The following PPP1R12B variants were observed in gnomAD, a reference collection of about 807,000 sequenced individuals.
The protein encoded by PPP1R12B is protein phosphatase 1 regulatory subunit 12B.
PPP1R12B carries 76 observed loss-of-function variants against 126.1 expected under a neutral mutation model. The observed-to-expected ratio is 0.60, with a 90% confidence interval of 0.50 to 0.73. PPP1R12B has a LOEUF of 0.73. Among genes scored for constraint, PPP1R12B ranks in the 30% least tolerant of loss-of-function variants. The pLI is 0.00. For synonymous variants in PPP1R12B, 356 were observed against 434.7 expected (o/e 0.82, Z 2.25); for missense variants, 1,052 against 1,205.1 (o/e 0.87, Z 1.88).
intron 12 of PPP1R12B, 47 bp from the exon 13 acceptor site, chr1:202,448,942 A>G: frequency 1.9e-6 from 3 of 1,571,536 alleles, no homozygotes; most frequent in Non-Finnish European, 2.6e-6. Flanking sequence ...TTTGTTGTAT[A>G]GCATGCCTAA....
chr1:202,574,394 C>T (rs568064417), intron 23 of PPP1R12B, among the ~76,000 whole-genome samples: 1 of 152,218 alleles, frequency 6.6e-6, no homozygotes, highest in East Asian at 1.9e-4. Context: ...CCTGTAGTCC[C>T]AGCTACTTTA....
At chr1:202,575,086 G>T (rs1216551972) in intron 23 of PPP1R12B, 1 of 1,613,584 alleles carries the variant, frequency 6.2e-7, no homozygotes, top group Admixed American at 1.7e-5. Flanking sequence ...GACCCGAGTG[G>T]TGGCCAGACT....
intron 1 of PPP1R12B, among the ~76,000 whole-genome samples, chr1:202,356,478 C>T (rs1036668354): frequency 6.6e-6 from 1 of 152,018 alleles, no homozygotes; most frequent in Non-Finnish European, 1.5e-5. Context: ...GTCCTAATCC[C>T]CAGAACATGT....
intron 2 of PPP1R12B, among the ~76,000 whole-genome samples, chr1:202,421,846 T>A (rs536509269): frequency 5.3e-5 from 8 of 152,304 alleles, no homozygotes; most frequent in Admixed American, 5.2e-4. Context: ...TGAACTAGAT[T>A]TGAAGTCAAG....
In PPP1R12B at chr1:202,348,926, C is replaced by T; in HGVS notation, c.75C>T (p.Arg25=). 1 of 1,606,342 alleles carries T rather than the reference C, an allele frequency of 6.2e-7. No homozygotes were observed. The change falls in exon 1 of 24, where the codon CGC becomes CGT. Residue 25 remains arginine (R), a synonymous_variant. Coordinates refer to ENST00000608999, the MANE Select transcript of PPP1R12B (RefSeq NM_002481.4). The part of the protein sequence containing the change: ...ARMRRAEQLR[R]WRGSLTEQEP... The stretch of plus-strand genomic sequence containing the variant: ...TGCGGCGGGCAGAGCAGCTTCGGCG[C>T]TGGCGGGGCTCGCTGACAGAGCAGG...
At chr1:202,398,320 G>T (rs560280031) in intron 1 of PPP1R12B, among the ~76,000 whole-genome samples, 1 of 152,184 alleles carries the variant, frequency 6.6e-6, no homozygotes, top group East Asian at 1.9e-4. Flanking sequence ...CAAACAGCTG[G>T]GATTTTTACA....
intron 1 of PPP1R12B, among the ~76,000 whole-genome samples, chr1:202,368,368 A>T (rs1403915876): frequency 6.6e-6 from 1 of 152,182 alleles, no homozygotes; most frequent in African/African-American, 2.4e-5. Context: ...CTCCACTGTG[A>T]GTAAAAGCTC....
chr1:202,448,254 A>T (rs917767164), intron 12 of PPP1R12B: 1 of 152,062 alleles, frequency 6.6e-6, no homozygotes, highest in African/African-American at 2.4e-5. Context: ...GTTGCTCCCA[A>T]CTCTTCGATA....
Position 202,565,944 on chromosome 1 carries a change from C to A in PPP1R12B, c.2757+1397C>A, listed in dbSNP as rs1688007123. ...TTCACAGTAGACCCTCAAAAGAAAT[C>A]TGGGGCTAATTTTTATTCTGAATGG... On this transcript the variant is annotated intron_variant, in intron 21 of 23. Transcript: ENST00000608999. The surrounding 1 kb of genome is among the most constrained non-coding windows in gnomAD (Gnocchi z 4.3). Among the ~76,000 whole-genome samples, 1 of 150,514 alleles carries A rather than the reference C, an allele frequency of 6.6e-6. No homozygotes were observed. Among genetic ancestry groups the A allele is most frequent in the Non-Finnish European group, 1.5e-5 (1 of 67,864 alleles).
chr1:202,435,040 C>A (rs1263583897), intron 9 of PPP1R12B, among the ~76,000 whole-genome samples: 2 of 152,138 alleles, frequency 1.3e-5, no homozygotes, highest in African/African-American at 2.4e-5. Flanking sequence ...TAACCACCTT[C>A]TCGCCATGTC....
At chr1:202,401,659 A>T (rs1422638033) in intron 1 of PPP1R12B, among the ~76,000 whole-genome samples, 1 of 152,150 alleles carries the variant, frequency 6.6e-6, no homozygotes, top group African/African-American at 2.4e-5. Context: ...TTGTGTCCTC[A>T]CATCAACCCT....
chr1:202,438,820 CGG>C (rs1292373741), intron 10 of PPP1R12B: 4 of 878,558 alleles, frequency 4.6e-6, no homozygotes, highest in Non-Finnish European at 5.8e-6. Context: ...GTCTAACTCA[CGG>C]ACGTGGGGGA....
chr1:202,548,360 G>A (rs1432735693), intron 18 of PPP1R12B, among the ~76,000 whole-genome samples: 1 of 152,062 alleles, frequency 6.6e-6, no homozygotes, highest in Non-Finnish European at 1.5e-5. Context: ...GTTTTGTTTT[G>A]TTTTGTTTTG....
chr1:202,390,421 G>A lies in PPP1R12B; in HGVS notation c.292-26366G>A, dbSNP rs146206896. On this transcript the variant is annotated intron_variant, in intron 1 of 23. Transcript: ENST00000608999. The stretch of plus-strand genomic sequence containing the variant: ...AATTGGATCCATGACCTCGGATTTA[G>A]CAAAAGGTTCTTAGATATGTCACCA... Among the ~76,000 whole-genome samples the A allele has an allele frequency of 4.1e-3, 626 of 152,262 alleles. 3 individuals are homozygous for A. Among genetic ancestry groups the A allele is most frequent in the Middle Eastern group, 6.8e-3 (2 of 294 alleles).
chr1:202,513,069 G>A (rs534275158), intron 18 of PPP1R12B, among the ~76,000 whole-genome samples: 2 of 152,324 alleles, frequency 1.3e-5, no homozygotes, highest in Admixed American at 1.3e-4. Context: ...CACCTCTTGG[G>A]TTCAAGCAGT....
intron 1 of PPP1R12B, among the ~76,000 whole-genome samples, chr1:202,352,583 C>T (rs918402213): frequency 6.6e-6 from 1 of 152,058 alleles, no homozygotes; most frequent in Admixed American, 6.6e-5. Context: ...TAATTCCATA[C>T]TTGACTCAGA....
chr1:202,587,221 T>G lies in PPP1R12B; in HGVS notation c.*6661T>G, dbSNP rs886481842. On this transcript the variant is annotated 3_prime_UTR_variant, in exon 24 of 24. Coordinates refer to ENST00000608999, the MANE Select transcript of PPP1R12B (RefSeq NM_002481.4). ...CTTCCAGAATAAGCATACACTTCAC[T>G]CCTCTCCCTTTCATCTCCCTCTGCA... 1 of 152,198 alleles carries G rather than the reference T, an allele frequency of 6.6e-6. No individual in the cohort carries two copies. The highest frequency in any genetic ancestry group is 2.4e-5 in the African/African-American group (1 of 41,440). The allele number at this position is 152,198 out of a possible 1,614,324, so 9.4% of individuals were successfully genotyped here.
intron 1 of PPP1R12B, among the ~76,000 whole-genome samples, chr1:202,353,651 C>T (rs1418174385): frequency 7.2e-6 from 1 of 138,090 alleles, no homozygotes; most frequent in Non-Finnish European, 1.5e-5. Flanking sequence ...GCCCTGTTAC[C>T]CAGACTGGAG....
At position 202,586,051 on chromosome 1, in the gene PPP1R12B, C is replaced by G. The variant is rs112507589; in HGVS notation, c.*5491C>G. The G allele has an allele frequency of 5.3e-5, 8 of 152,324 alleles. 2 individuals are homozygous for G. The highest frequency in any genetic ancestry group is 1.9e-4 in the African/African-American group (8 of 41,562). 9.4% of individuals were successfully genotyped at this position (152,324 alleles called of 1,614,324 possible). A position where few individuals can be genotyped will look rare whatever the true frequency, so the allele number is the denominator to read the frequency against. Reference sequence around the variant, plus strand: ...GCAAGAAAATTTTCCTCGACAAGAACCTCAATCTTTAGTTCCATTGAGCTC... The same window carrying G: ...GCAAGAAAATTTTCCTCGACAAGAAGCTCAATCTTTAGTTCCATTGAGCTC... On this transcript the variant is annotated 3_prime_UTR_variant, in exon 24 of 24. Transcript: ENST00000608999.
Sources: allele counts gnomAD v4.1 joint callset (sites outside exome capture counted in the v4.1 genomes callset), GRCh38; gene constraint gnomAD v4.1.1; non-coding constraint Gnocchi (gnomAD v3.1); transcripts MANE v1.5; gene names NCBI Gene and HGNC (gene_info 2026-07-23, HGNC 2026-07-21).